The following GSG1L variants were observed in gnomAD, a reference collection of about 807,000 sequenced individuals.
GSG1L encodes the protein germ cell-specific gene 1-like protein.
In GSG1L, 24 loss-of-function variants were observed where a neutral mutation model predicts 42.1. That is an observed-to-expected ratio of 0.57 (90% CI 0.41 to 0.80). The LOEUF is 0.80. Among genes scored for constraint, GSG1L ranks in the 30% least tolerant of loss-of-function variants. The pLI is 0.00. For missense variants in GSG1L, 445 were observed against 472.2 expected (o/e 0.94, Z 0.53); for synonymous variants, 215 against 203.5 (o/e 1.06, Z -0.48).
chr16:27,909,665 A>T (rs138522448), intron 2 of GSG1L, among the ~76,000 whole-genome samples: 1 of 139,238 alleles, frequency 7.2e-6, no homozygotes, highest in East Asian at 2.1e-4. Flanking sequence ...TTTTTGAGAC[A>T]AGGTCTTGCT....
intron 1 of GSG1L, among the ~76,000 whole-genome samples, chr16:28,028,889 G>A (rs2085927367): frequency 6.6e-6 from 1 of 152,232 alleles, no homozygotes; most frequent in African/African-American, 2.4e-5. Flanking sequence ...AGATGAGGAG[G>A]CCTGGGCTTC....
At chr16:27,943,566 C>CTTTTTTTTTTTTTTTTTTTT (rs11385465) in intron 2 of GSG1L, among the ~76,000 whole-genome samples, 1 of 67,720 alleles carries the variant, frequency 1.5e-5, no homozygotes, top group African/African-American at 5.9e-5. Flanking sequence ...TTCTTTGTTT[C>CTTTTTTTTTTTTTTTTTTTT]TTTTTTTTTT....
chr16:27,807,594 A>C, intron 5 of GSG1L, 40 bp from the exon 6 acceptor site: 1 of 1,565,826 alleles, frequency 6.4e-7, no homozygotes, highest in Non-Finnish European at 8.7e-7. Context: ...CCTAGGTAGG[A>C]AAGAGAAGGA....
rs57543425 is a variant in GSG1L at position 27,850,023 on chromosome 16, C to CT, written c.551-4963dup. On this transcript the variant is annotated intron_variant, in intron 3 of 6. Coordinates refer to ENST00000447459, the MANE Select transcript of GSG1L (RefSeq NM_001109763.2). ...TTTGTGCCATATTCATTTGAAATGC[C>CT]TTTTTTTTTTTTTTTTTTTTTTGAG... 5.3e-3 allele frequency among the ~76,000 whole-genome samples: 369 copies of CT among 70,008 alleles called. 39 individuals are homozygous for CT. The highest frequency in any genetic ancestry group is 0.015 in the African/African-American group (232 of 15,328). 45.9% of individuals were successfully genotyped at this position (70,008 alleles called of 152,430 possible). A position where few individuals can be genotyped will look rare whatever the true frequency, so the allele number is the denominator to read the frequency against.
intron 2 of GSG1L, among the ~76,000 whole-genome samples, chr16:27,886,251 C>T (rs2141026110): frequency 6.6e-6 from 1 of 152,204 alleles, no homozygotes; most frequent in South Asian, 2.1e-4. Context: ...ACCAGCCTGG[C>T]CAACATGGTA....
intron 1 of GSG1L, among the ~76,000 whole-genome samples, chr16:27,971,778 G>GT (rs940419595): frequency 6.6e-6 from 1 of 152,074 alleles, no homozygotes; most frequent in African/African-American, 2.4e-5. Context: ...TAGCTGTGGG[G>GT]TTTTTTTAAT....
chr16:27,925,525 T>C (rs1309364509), intron 2 of GSG1L, among the ~76,000 whole-genome samples: 2 of 151,760 alleles, frequency 1.3e-5, no homozygotes, highest in Admixed American at 6.6e-5. Flanking sequence ...GAGAAGAAAA[T>C]AGACACAGAA....
rs990181523 is a variant in GSG1L at position 27,789,787 on chromosome 16, G to A, written c.*1583C>T. 6.0e-5 allele frequency: 9 copies of A among 150,074 alleles called. No homozygotes were observed. Among genetic ancestry groups the A allele is most frequent in the African/African-American group, 2.2e-4 (9 of 40,520 alleles). 9.3% of individuals were successfully genotyped at this position (150,074 alleles called of 1,614,324 possible). A position where few individuals can be genotyped will look rare whatever the true frequency, so the allele number is the denominator to read the frequency against. ...TGGATGATGAATGGATGGATGAATG[G>A]ATAGATAATGGATGGACAGATGATG... On this transcript the variant is annotated 3_prime_UTR_variant, in exon 7 of 7. Transcript: ENST00000447459.
chr16:28,063,607 G>T lies in GSG1L; in HGVS notation c.-183C>A. 1 of 162,992 alleles carries T rather than the reference G, an allele frequency of 6.1e-6. No homozygotes were observed. Among genetic ancestry groups the T allele is most frequent in the South Asian group, 1.7e-4 (1 of 5,932 alleles). 10.1% of individuals were successfully genotyped at this position (162,992 alleles called of 1,614,324 possible). On this transcript the variant is annotated 5_prime_UTR_variant, in exon 1 of 7. Coordinates refer to ENST00000447459, the MANE Select transcript of GSG1L (RefSeq NM_001109763.2). This position sits in a 1 kb window ranked among gnomAD's most constrained non-coding sequence, Gnocchi z 5.8. ...CAACCCCGGGGTGGGGGCGCGGCGC[G>T]GGGGGCGTGCGGGGCGGGCTGGCGG...
intron 3 of GSG1L, among the ~76,000 whole-genome samples, chr16:27,882,974 G>T (rs1161805547): frequency 6.6e-6 from 1 of 151,904 alleles, no homozygotes; most frequent in Non-Finnish European, 1.5e-5. Context: ...GCTGGTCGTG[G>T]TCGGGGGGAT....
chr16:27,997,636 G>A (rs895557259), intron 1 of GSG1L, among the ~76,000 whole-genome samples: 1 of 151,932 alleles, frequency 6.6e-6, no homozygotes, highest in Non-Finnish European at 1.5e-5. Context: ...AGTTTGTGAT[G>A]TGGACATCTT....
At chr16:27,958,541 A>G (rs1032028678) in intron 2 of GSG1L, among the ~76,000 whole-genome samples, 4 of 152,234 alleles carry the variant, frequency 2.6e-5, no homozygotes, top group African/African-American at 4.8e-5. Flanking sequence ...TATATCAAAT[A>G]TATGTATGTA....
intron 1 of GSG1L, among the ~76,000 whole-genome samples, chr16:28,021,020 T>A (rs1371647685): frequency 6.6e-6 from 1 of 152,156 alleles, no homozygotes; most frequent in African/African-American, 2.4e-5. Context: ...AATCAGCAAT[T>A]ATTGCTGTTT....
intron 2 of GSG1L, among the ~76,000 whole-genome samples, chr16:27,895,718 CGAGT>C (rs1351005993): frequency 1.3e-5 from 2 of 152,014 alleles, no homozygotes; most frequent in Non-Finnish European, 2.9e-5. Context: ...CCAGAGAGGG[CGAGT>C]GAGTTGCCCA....
rs750646949 is a variant in GSG1L at position 27,956,800 on chromosome 16, G to GA, written c.397+6355dup. Among the ~76,000 whole-genome samples, 1,001 of 142,336 alleles carry GA rather than the reference G, an allele frequency of 7.0e-3. 4 individuals carry two copies. The highest frequency in any genetic ancestry group is 0.014 in the African/African-American group (546 of 39,134). 93.4% of individuals were successfully genotyped at this position (142,336 alleles called of 152,430 possible). A position where few individuals can be genotyped will look rare whatever the true frequency, so the allele number is the denominator to read the frequency against. On this transcript the variant is annotated intron_variant, in intron 2 of 6. Transcript: ENST00000447459. Reference sequence around the variant, plus strand: ...TCAAGAAAACCCACAGACATGTGAGGAAAAAAAAAAAAACTGTGTGAATGC... The same window carrying GA: ...TCAAGAAAACCCACAGACATGTGAGGAAAAAAAAAAAAAACTGTGTGAATGC...
At chr16:27,798,175 T>C (rs557193538) in intron 6 of GSG1L, among the ~76,000 whole-genome samples, 2 of 152,160 alleles carry the variant, frequency 1.3e-5, no homozygotes, top group African/African-American at 4.8e-5. Flanking sequence ...CCTGAACCTA[T>C]AACAATTAAA....
At chr16:27,966,376 G>A (rs781273561) in intron 1 of GSG1L, among the ~76,000 whole-genome samples, 8 of 152,126 alleles carry the variant, frequency 5.3e-5, no homozygotes, top group Non-Finnish European at 8.8e-5. Context: ...GTGGTGGCAC[G>A]GGGCTGTAGT....
At chr16:27,856,431 A>G (rs931356068) in intron 3 of GSG1L, among the ~76,000 whole-genome samples, 2 of 152,120 alleles carry the variant, frequency 1.3e-5, no homozygotes, top group Non-Finnish European at 2.9e-5. Flanking sequence ...CCCCCACCTC[A>G]GCCTCCTGAG....
chr16:27,949,504 C>T (rs956990095), intron 2 of GSG1L, among the ~76,000 whole-genome samples: 1 of 152,206 alleles, frequency 6.6e-6, no homozygotes, highest in Non-Finnish European at 1.5e-5. Context: ...CCTATAGTCC[C>T]AGCTACTTGG....
Sources: gnomAD v4.1 joint callset for allele counts (sites outside exome capture counted in the v4.1 genomes callset) on GRCh38, gnomAD v4.1.1 for gene constraint, Gnocchi (gnomAD v3.1) non-coding constraint, MANE v1.5 for transcripts, NCBI Gene and HGNC (gene_info 2026-07-23, HGNC 2026-07-21) for gene names.